The following PHTF2 variants were observed in gnomAD, a reference collection of about 807,000 sequenced individuals.
PHTF2 encodes putative homeodomain transcription factor 2, also known as protein PHTF2.
PHTF2 carries 60 observed loss-of-function variants against 101.2 expected under a neutral mutation model. The ratio of observed to expected loss-of-function variants is 0.59; its 90% CI spans 0.48 to 0.73. PHTF2 has a LOEUF of 0.73. Ranked by LOEUF, PHTF2 falls within the 30% of genes least tolerant of loss-of-function variation. The probability of loss-of-function intolerance (pLI) is 0.00; values close to 1 mark genes in which losing one functional copy is unlikely to be tolerated. For synonymous variants in PHTF2, 311 were observed against 307.3 expected, an observed-to-expected ratio of 1.01 and a Z score of -0.13; for missense variants, 747 against 908.7, an observed-to-expected ratio of 0.82 and a Z score of 2.29.
At chr7:77,824,822 C>CAGG (rs905110061) in intron 1 of PHTF2, among the ~76,000 whole-genome samples, 1 of 151,320 alleles carries the variant, frequency 6.6e-6, no homozygotes, top group African/African-American at 2.4e-5. Flanking sequence ...TGTTTGAGAC[C>CAGG]AGGAGTTCAA....
At chr7:77,937,444 T>A (rs1355924976) in intron 12 of PHTF2, among the ~76,000 whole-genome samples, 1 of 152,222 alleles carries the variant, frequency 6.6e-6, no homozygotes, top group Non-Finnish European at 1.5e-5. Context: ...CATAACCATG[T>A]AACTTCTTAT....
chr7:77,852,004 T>C (rs1796802955), intron 2 of PHTF2, among the ~76,000 whole-genome samples: 1 of 152,194 alleles, frequency 6.6e-6, no homozygotes, highest in Non-Finnish European at 1.5e-5. Context: ...TTAATTTCCA[T>C]GTGTTTGTGT....
chr7:77,879,538 C>T (rs1202686863), intron 3 of PHTF2, among the ~76,000 whole-genome samples: 1 of 152,154 alleles, frequency 6.6e-6, no homozygotes, highest in Non-Finnish European at 1.5e-5. Context: ...CCACAACCAC[C>T]TAATGCAATT....
intron 3 of PHTF2, among the ~76,000 whole-genome samples, chr7:77,884,826 G>A (rs998485995): frequency 9.9e-5 from 15 of 152,204 alleles, no homozygotes; most frequent in Admixed American, 1.3e-4. Flanking sequence ...TTGAACCTGG[G>A]AGGCAGAGAT....
At chr7:77,874,800 G>C (rs907581750) in intron 3 of PHTF2, among the ~76,000 whole-genome samples, 2 of 152,192 alleles carry the variant, frequency 1.3e-5, no homozygotes, top group African/African-American at 4.8e-5. Flanking sequence ...CATCACATAT[G>C]TGGTAAAATA....
At chr7:77,939,459 A>G (rs953207990) in intron 13 of PHTF2, among the ~76,000 whole-genome samples, 1 of 151,972 alleles carries the variant, frequency 6.6e-6, no homozygotes, top group South Asian at 2.1e-4. Flanking sequence ...ACAAAACCCA[A>G]AAAATTAGCT....
Position 77,951,601 on chromosome 7 carries a change from ATTC to A in PHTF2, c.2116-13_2116-11del. ...ATTTATTATAATTTGAAGCATTTCT[ATTC>A]TTTTTATAAAAGATAAACCTCTACT... On this transcript the variant is annotated splice_polypyrimidine_tract_variant and intron_variant, in intron 17 of 19. Transcript: ENST00000416283. The A allele has an allele frequency of 2.8e-6, 3 of 1,054,356 alleles. No homozygotes were observed. Among genetic ancestry groups the A allele is most frequent in the Non-Finnish European group, 4.2e-6 (3 of 721,302 alleles). 65.3% of individuals were successfully genotyped at this position (1,054,356 alleles called of 1,614,324 possible).
At chr7:77,943,031 CATT>C (rs1805756828) in intron 16 of PHTF2, among the ~76,000 whole-genome samples, 1 of 152,230 alleles carries the variant, frequency 6.6e-6, no homozygotes, top group Non-Finnish European at 1.5e-5. Flanking sequence ...GAATCCTTCT[CATT>C]ATCTTTACTT....
chr7:77,834,062 T>C (rs1025287356), intron 1 of PHTF2, among the ~76,000 whole-genome samples: 2 of 152,086 alleles, frequency 1.3e-5, no homozygotes, highest in African/African-American at 2.4e-5. Context: ...GAGCACAGAT[T>C]TGAGTTGCTC....
At chr7:77,814,573 G>T (rs149835846) in intron 1 of PHTF2, among the ~76,000 whole-genome samples, 9,097 of 150,228 alleles carry the variant, frequency 0.061, 390 homozygotes, top group Middle Eastern at 0.093. Flanking sequence ...GTGCAGTGGC[G>T]CAATCTCAGC....
At chr7:77,917,137 A>G (rs930396942) in intron 9 of PHTF2, among the ~76,000 whole-genome samples, 9 of 151,800 alleles carry the variant, frequency 5.9e-5, no homozygotes, top group Admixed American at 2.6e-4. Flanking sequence ...ATTTTATTCA[A>G]TTTTTTATTG....
intron 1 of PHTF2, chr7:77,840,012 G>T (rs763492449): frequency 5.5e-6 from 2 of 360,506 alleles, no homozygotes; most frequent in Admixed American, 4.6e-5. Context: ...ATTTATTCAT[G>T]CAAATAGAAC....
At chr7:77,932,269 G>T in intron 12 of PHTF2, among the ~76,000 whole-genome samples, 1 of 152,064 alleles carries the variant, frequency 6.6e-6, no homozygotes, top group Non-Finnish European at 1.5e-5. Flanking sequence ...AAAGAGATAC[G>T]GAAGAAAATG....
intron 3 of PHTF2, among the ~76,000 whole-genome samples, chr7:77,862,071 AG>A (rs200666165): frequency 0.021 from 3,083 of 148,272 alleles, 105 homozygotes; most frequent in African/African-American, 0.069. Flanking sequence ...AAAAAAAAAA[AG>A]AAGGAAAAAT....
At chr7:77,811,211 G>A (rs544582070) in intron 1 of PHTF2, among the ~76,000 whole-genome samples, 35 of 152,264 alleles carry the variant, frequency 2.3e-4, no homozygotes, top group African/African-American at 7.7e-4. Flanking sequence ...CCTGGGTTAC[G>A]TACTTTAGGC....
At chr7:77,934,586 C>A (rs1051053574) in intron 12 of PHTF2, among the ~76,000 whole-genome samples, 2 of 152,108 alleles carry the variant, frequency 1.3e-5, no homozygotes, top group African/African-American at 4.8e-5. Context: ...TTTAGAAGTT[C>A]TAAATTTTTG....
At chr7:77,842,624 A>G (rs1343921387) in intron 2 of PHTF2, among the ~76,000 whole-genome samples, 1 of 152,138 alleles carries the variant, frequency 6.6e-6, no homozygotes, top group Non-Finnish European at 1.5e-5. Flanking sequence ...GCTCCCCCAG[A>G]GGCAATCATT....
chr7:77,957,428 T>C (rs1287398398), exon 20 of PHTF2: 3 of 152,344 alleles, frequency 2.0e-5, no homozygotes, highest in Non-Finnish European at 4.4e-5. Context: ...ATATCATTAA[T>C]GTTTGTTTGC....
At chr7:77,912,637 G>A (rs1234025220) in intron 9 of PHTF2, among the ~76,000 whole-genome samples, 1 of 148,492 alleles carries the variant, frequency 6.7e-6, no homozygotes, top group African/African-American at 2.5e-5. Context: ...TAGATGTTAG[G>A]TTGAGAACCA....
Sources: allele counts gnomAD v4.1 joint callset (sites outside exome capture counted in the v4.1 genomes callset), GRCh38; gene constraint gnomAD v4.1.1; transcripts MANE v1.5; gene names NCBI Gene and HGNC (gene_info 2026-07-23, HGNC 2026-07-21).